The following LMF1 variants were observed in gnomAD, a reference collection of about 807,000 sequenced individuals.
The protein encoded by LMF1 is lipase maturation factor 1, also known as transmembrane protein 112.
In LMF1, 68 loss-of-function variants were observed where a neutral mutation model predicts 60.6. That is an observed-to-expected ratio of 1.12 (90% CI 0.92 to 1.37). The LOEUF (loss-of-function observed/expected upper bound fraction) is 1.37, where lower values mean the gene tolerates loss of function less well. LMF1 is among the 40% of genes most tolerant of loss of function. LMF1 has a pLI of 0.00. For missense variants in LMF1, 948 were observed against 767.2 expected (o/e 1.24, Z -2.78); for synonymous variants, 418 against 324.7 (o/e 1.29, Z -3.09).
intron 9 of LMF1, 123 bp from the exon 10 acceptor site, chr16:869,179 A>C: frequency 1.3e-6 from 1 of 741,408 alleles, no homozygotes; most frequent in Non-Finnish European, 2.5e-6. Flanking sequence ...TTCCCTGGGC[A>C]GCCGCACTCC....
At chr16:884,482 T>A (rs1207568205) in intron 5 of LMF1, among the ~76,000 whole-genome samples, 1 of 150,590 alleles carries the variant, frequency 6.6e-6, no homozygotes, top group African/African-American at 2.5e-5. Flanking sequence ...GAAGGTGAAA[T>A]AAAGACTTTG....
chr16:959,966 G>A (rs2072789645), intron 1 of LMF1, among the ~76,000 whole-genome samples: 1 of 152,222 alleles, frequency 6.6e-6, no homozygotes, highest in Non-Finnish European at 1.5e-5. Flanking sequence ...TATACTTACA[G>A]ATGGATAGGT....
At chr16:981,034 G>T (rs2073342594) in intron 1 of LMF1, 1 of 220,326 alleles carries the variant, frequency 4.5e-6, no homozygotes, top group Non-Finnish European at 9.4e-6. Flanking sequence ...CCCTCCAGCT[G>T]GCCGGCCCCC....
intron 2 of LMF1, among the ~76,000 whole-genome samples, chr16:948,145 G>A (rs1328047158): frequency 2.1e-5 from 3 of 144,502 alleles, no homozygotes; most frequent in Non-Finnish European, 3.0e-5. Flanking sequence ...GTCAGCCAAC[G>A]ACAGAGTCAG....
In LMF1 at chr16:862,395, C is replaced by T. The variant is rs529374408; in HGVS notation, c.1529+6549G>A. On this transcript the variant is annotated intron_variant, in intron 10 of 10. Coordinates refer to ENST00000262301, the MANE Select transcript of LMF1 (RefSeq NM_022773.4). ...CTGACCTCAGGTGATCTGCTCGCCT[C>T]GGCCTCCCAAAGTGTTGGGATTACA... Among the ~76,000 whole-genome samples the T allele has an allele frequency of 5.9e-5, 9 of 152,146 alleles. No individual in the cohort carries two copies. In the South Asian group the frequency reaches 1.5e-3, roughly 25 times the overall value.
intron 3 of LMF1, among the ~76,000 whole-genome samples, chr16:926,219 G>A (rs2071595564): frequency 6.6e-6 from 1 of 151,858 alleles, no homozygotes; most frequent in East Asian, 1.9e-4. Flanking sequence ...GTGTGCGCGT[G>A]TGCACGTTTG....
At chr16:888,743 G>C (rs1596913282) in intron 5 of LMF1, among the ~76,000 whole-genome samples, 1 of 151,390 alleles carries the variant, frequency 6.6e-6, no homozygotes, top group African/African-American at 2.4e-5. Flanking sequence ...CACTGGGGGG[G>C]GTCCTAGGTA....
intron 2 of LMF1, among the ~76,000 whole-genome samples, chr16:951,702 C>T (rs1184849726): frequency 6.6e-6 from 1 of 152,216 alleles, no homozygotes; most frequent in Admixed American, 6.5e-5. Context: ...AGAGAAGCCT[C>T]CCACGCAGGT....
intron 6 of LMF1, among the ~76,000 whole-genome samples, chr16:875,832 A>AGGAGGTGT (rs1437319745): frequency 6.6e-6 from 1 of 152,148 alleles, no homozygotes; most frequent in African/African-American, 2.4e-5. Context: ...CAGCCCACGC[A>AGGAGGTGT]GGAGGTGTGT....
intron 1 of LMF1, among the ~76,000 whole-genome samples, chr16:977,558 G>A (rs930235543): frequency 2.0e-5 from 3 of 152,174 alleles, no homozygotes; most frequent in Admixed American, 6.5e-5. Flanking sequence ...TGGGAGGCCC[G>A]GGCCAAGGCT....
At chr16:896,680 A>G (rs2070670475) in intron 4 of LMF1, among the ~76,000 whole-genome samples, 1 of 152,182 alleles carries the variant, frequency 6.6e-6, no homozygotes, top group Non-Finnish European at 1.5e-5. Context: ...GCAGGGGCAC[A>G]ACCACCGCCA....
chr16:893,879 C>T (rs1268430959), intron 4 of LMF1, among the ~76,000 whole-genome samples: 1 of 152,122 alleles, frequency 6.6e-6, no homozygotes, highest in East Asian at 1.9e-4. Context: ...CACACTGGTG[C>T]ATGGGAGGTG....
At chr16:900,224 T>C (rs12924916) in intron 4 of LMF1, 63,814 of 152,148 alleles carry the variant, frequency 0.42, 15,371 homozygotes, top group African/African-American at 0.66. Flanking sequence ...TCACACAGCC[T>C]GGCTATGGCT....
chr16:919,081 G>T (rs962386232), intron 3 of LMF1, among the ~76,000 whole-genome samples: 3 of 152,122 alleles, frequency 2.0e-5, no homozygotes, highest in East Asian at 3.9e-4. Context: ...GCATGTCGGC[G>T]TGGACTCCCA....
chr16:941,039 T>C (rs915697191), intron 2 of LMF1, among the ~76,000 whole-genome samples: 2 of 152,222 alleles, frequency 1.3e-5, no homozygotes, highest in African/African-American at 4.8e-5. Context: ...AAAATGTCTC[T>C]GTACACCTCT....
intron 5 of LMF1, among the ~76,000 whole-genome samples, chr16:891,275 A>G (rs1358172694): frequency 2.6e-5 from 4 of 152,194 alleles, no homozygotes; most frequent in Non-Finnish European, 5.9e-5. Context: ...TGGCCAGGTG[A>G]GTCCTGGGGA....
chr16:890,995 C>G (rs73497254), intron 5 of LMF1, among the ~76,000 whole-genome samples: 102 of 152,348 alleles, frequency 6.7e-4, no homozygotes, highest in African/African-American at 2.4e-3. Flanking sequence ...GTGTTGACGG[C>G]TGACACAGAG....
rs947932604 is a variant in LMF1, at chr16:874,071, G to A, written c.898-2730C>T. ...TGTGAGGGTCTCCTTTGCCGGGTGT[G>A]GGGGGGGTATGGGAAGTTCTGGAAC... On this transcript the variant is annotated intron_variant, in intron 6 of 10. Coordinates refer to ENST00000262301, the MANE Select transcript of LMF1 (RefSeq NM_022773.4). This position sits in a 1 kb window ranked among gnomAD's most constrained non-coding sequence, Gnocchi z 4.1. Among the ~76,000 whole-genome samples, 7 of 151,720 alleles carry A rather than the reference G, an allele frequency of 4.6e-5. No individual in the cohort carries two copies. Among genetic ancestry groups the A allele is most frequent in the African/African-American group, 9.7e-5 (4 of 41,386 alleles).
chr16:967,768 G>A (rs2072956218), intron 1 of LMF1, among the ~76,000 whole-genome samples: 1 of 152,184 alleles, frequency 6.6e-6, no homozygotes, highest in South Asian at 2.1e-4. Flanking sequence ...ACAGTGGCGT[G>A]AATGAAGGGC....
Sources: allele counts gnomAD v4.1 joint callset (sites outside exome capture counted in the v4.1 genomes callset), GRCh38; gene constraint gnomAD v4.1.1; non-coding constraint Gnocchi (gnomAD v3.1); transcripts MANE v1.5; gene names NCBI Gene and HGNC (gene_info 2026-07-23, HGNC 2026-07-21).